The following RNF150 variants were observed in gnomAD, a reference collection of about 807,000 sequenced individuals.
RNF150 encodes ring finger protein 150.
A neutral mutation model predicts 39.3 loss-of-function variants in RNF150; 24 were observed. The ratio of observed to expected loss-of-function variants is 0.61; its 90% confidence interval spans 0.44 to 0.86. The LOEUF is 0.86. Ranked by LOEUF, RNF150 falls within the 40% of genes least tolerant of loss-of-function variation. The probability of loss-of-function intolerance (pLI) is 0.00; values close to 1 mark genes in which losing one functional copy is unlikely to be tolerated. For synonymous variants in RNF150, 255 were observed against 227.3 expected (o/e 1.12, Z -1.10); for missense variants, 502 against 587.8 (o/e 0.85, Z 1.51).
intron 1 of RNF150, among the ~76,000 whole-genome samples, chr4:141,082,292 G>A (rs1017949590): frequency 6.6e-6 from 1 of 152,336 alleles, no homozygotes; most frequent in East Asian, 1.9e-4. Flanking sequence ...TGATTCCTGC[G>A]TCACGGCTAT....
chr4:141,100,681 C>G (rs1507179), intron 1 of RNF150, among the ~76,000 whole-genome samples: 1 of 151,946 alleles, frequency 6.6e-6, no homozygotes, highest in Admixed American at 6.6e-5. Context: ...TGTTGCATAA[C>G]AACAGAGACT....
chr4:141,092,872 A>G (rs891971238), intron 1 of RNF150, among the ~76,000 whole-genome samples: 2 of 151,916 alleles, frequency 1.3e-5, no homozygotes, highest in Non-Finnish European at 2.9e-5. Context: ...ACACCTGAAA[A>G]TGCTGGAGAA....
chr4:141,161,231 A>C (rs773690884), intron 1 of RNF150, among the ~76,000 whole-genome samples: 16 of 152,182 alleles, frequency 1.1e-4, no homozygotes, highest in Non-Finnish European at 2.1e-4. Context: ...ATGCTTTAGC[A>C]AAAACCCCTG....
At chr4:141,113,957 C>A (rs937455191) in intron 1 of RNF150, among the ~76,000 whole-genome samples, 1 of 152,060 alleles carries the variant, frequency 6.6e-6, no homozygotes, top group Non-Finnish European at 1.5e-5. Flanking sequence ...TTCTTCGAAA[C>A]CAAAAAGAAC....
At chr4:140,911,089 TCC>T in intron 6 of RNF150, 53 bp downstream of exon 6, 1 of 1,419,928 alleles carries the variant, frequency 7.0e-7, no homozygotes, top group Admixed American at 1.9e-5. Flanking sequence ...TTTTTCCAAT[TCC>T]TACAAGGCAA....
chr4:140,934,370 T>C (rs577711529), intron 4 of RNF150, among the ~76,000 whole-genome samples: 1 of 152,176 alleles, frequency 6.6e-6, no homozygotes, highest in South Asian at 2.1e-4. Context: ...ATAGCACCAG[T>C]AGTAATCATA....
At chr4:140,928,325 A>C (rs1731476752) in intron 4 of RNF150, among the ~76,000 whole-genome samples, 1 of 151,876 alleles carries the variant, frequency 6.6e-6, no homozygotes, top group Admixed American at 6.6e-5. Flanking sequence ...TCCCTAACAA[A>C]GTGACGAAGC....
intron 1 of RNF150, among the ~76,000 whole-genome samples, chr4:141,040,805 C>T (rs897027667): frequency 6.6e-6 from 1 of 152,078 alleles, no homozygotes; most frequent in Non-Finnish European, 1.5e-5. Flanking sequence ...TAGGTGGAAA[C>T]ATAATATGCA....
chr4:141,158,808 T>A lies in RNF150; in HGVS notation c.-6+53986A>T, dbSNP rs191458638. 6.3e-3 allele frequency among the ~76,000 whole-genome samples: 941 copies of A among 148,710 alleles called. 3 individuals carry two copies. The highest frequency in any genetic ancestry group is 9.7e-3 in the Non-Finnish European group (649 of 67,138). On this transcript the variant is annotated intron_variant, in intron 1 of 7. Coordinates refer to the RNF150 transcript ENST00000420921. ...CTATCAGTATTTCCTGTGAGTATAA[T>A]TTGTGAGACATTTAGAACTCAAAAC...
chr4:140,897,809 A>C (rs1231079168), intron 6 of RNF150, among the ~76,000 whole-genome samples: 1 of 152,178 alleles, frequency 6.6e-6, no homozygotes, highest in African/African-American at 2.4e-5. Flanking sequence ...CATTACATTT[A>C]ATCCCAGAGG....
chr4:140,877,505 C>T (rs1331500391), intron 6 of RNF150, among the ~76,000 whole-genome samples: 2 of 152,180 alleles, frequency 1.3e-5, no homozygotes, highest in Middle Eastern at 3.4e-3. Context: ...TTTCTGCAAC[C>T]GTATAAAATT....
chr4:140,883,240 GT>G (rs952893112), intron 6 of RNF150, among the ~76,000 whole-genome samples: 4 of 151,976 alleles, frequency 2.6e-5, no homozygotes, highest in African/African-American at 4.8e-5. Flanking sequence ...CATTAAAGTA[GT>G]TTTTTTCACC....
chr4:141,174,597 G>A (rs1174336253), intron 1 of RNF150, among the ~76,000 whole-genome samples: 2 of 152,102 alleles, frequency 1.3e-5, no homozygotes, highest in Non-Finnish European at 2.9e-5. Context: ...GATATTATTG[G>A]CTAGAAAGTT....
chr4:141,019,080 A>G (rs4245937), intron 1 of RNF150, among the ~76,000 whole-genome samples: 120,396 of 136,818 alleles, frequency 0.88, 53,380 homozygotes, highest in Middle Eastern at 0.94. Flanking sequence ...ATATATATAT[A>G]TGGAACTTTA....
At position 140,875,163 on chromosome 4, in the gene RNF150, G is replaced by A. The variant is rs868431676; in HGVS notation, c.1199-6784C>T. 5.7e-5 allele frequency among the ~76,000 whole-genome samples: 7 copies of A among 122,594 alleles called. No individual in the cohort carries two copies. In the South Asian group the frequency reaches 7.9e-4, roughly 14 times the overall value. The allele number at this position is 122,594 out of a possible 152,430, so 80.4% of individuals were successfully genotyped here. A position where few individuals can be genotyped will look rare whatever the true frequency, so the allele number is the denominator to read the frequency against. On this transcript the variant is annotated intron_variant, in intron 6 of 6. Coordinates refer to ENST00000515673, the MANE Select transcript of RNF150 (RefSeq NM_020724.2). ...AGTCCATGAACTTGACAATCATTAC[G>A]TTTTTTTTTTTTTTTTTTGGTGAGT...
intron 1 of RNF150, among the ~76,000 whole-genome samples, chr4:141,147,167 C>G (rs1727218843): frequency 6.6e-6 from 1 of 152,178 alleles, no homozygotes. Context: ...GTTGCCCAGC[C>G]TGGTGACTGT....
At chr4:141,166,849 C>A (rs1039531141) in intron 1 of RNF150, among the ~76,000 whole-genome samples, 2 of 152,102 alleles carry the variant, frequency 1.3e-5, no homozygotes, top group Admixed American at 1.3e-4. Flanking sequence ...ACTGAATGGG[C>A]AAAAGCTGGA....
chr4:141,099,179 A>C (rs1235302750), intron 1 of RNF150, among the ~76,000 whole-genome samples: 1 of 152,134 alleles, frequency 6.6e-6, no homozygotes, highest in East Asian at 1.9e-4. Flanking sequence ...AAGGATGAAA[A>C]AATACTACTT....
intron 4 of RNF150, among the ~76,000 whole-genome samples, chr4:140,935,454 G>T (rs1280531830): frequency 6.6e-6 from 1 of 152,132 alleles, no homozygotes; most frequent in Non-Finnish European, 1.5e-5. Flanking sequence ...TATAACTGGG[G>T]ATCAGGACAT....
Sources: allele counts gnomAD v4.1 joint callset (sites outside exome capture counted in the v4.1 genomes callset), GRCh38; gene constraint gnomAD v4.1.1; transcripts MANE v1.5; gene names NCBI Gene and HGNC (gene_info 2026-07-23, HGNC 2026-07-21).